The following LRP1B variants were observed in gnomAD, a reference collection of about 807,000 sequenced individuals.
The protein encoded by LRP1B is LDL receptor related protein 1B.
Under a neutral mutation model 556.6 loss-of-function variants are expected in LRP1B, and 217 were observed. The observed-to-expected ratio is 0.39, with a 90% CI of 0.35 to 0.44. The LOEUF (loss-of-function observed/expected upper bound fraction) is 0.44, where lower values mean the gene tolerates loss of function less well. Among genes scored for constraint, LRP1B ranks in the 20% least tolerant of loss-of-function variants. LRP1B has a pLI of 1.00. For missense variants in LRP1B, 5,053 were observed against 5,620.8 expected (o/e 0.90, Z 3.23); for synonymous variants, 2,047 against 1,865.8 (o/e 1.10, Z -2.50).
intron 41 of LRP1B, among the ~76,000 whole-genome samples, chr2:140,627,209 C>A (rs948129790): frequency 6.6e-6 from 1 of 152,036 alleles, no homozygotes; most frequent in Non-Finnish European, 1.5e-5. Context: ...TAATGAGTGT[C>A]GACTTGATTG....
chr2:141,069,349 T>G (rs913403996), intron 7 of LRP1B, among the ~76,000 whole-genome samples: 1 of 152,034 alleles, frequency 6.6e-6, no homozygotes, highest in Non-Finnish European at 1.5e-5. Context: ...ATAGAAAGAT[T>G]TGTACATTTT....
intron 2 of LRP1B, among the ~76,000 whole-genome samples, chr2:141,774,243 A>G (rs937661424): frequency 2.0e-5 from 3 of 152,206 alleles, no homozygotes; most frequent in Non-Finnish European, 4.4e-5. Context: ...GTAATTTACA[A>G]GGACAAAAGG....
intron 18 of LRP1B, among the ~76,000 whole-genome samples, chr2:140,960,622 G>A (rs532152577): frequency 5.9e-5 from 9 of 151,998 alleles, no homozygotes; most frequent in African/African-American, 2.2e-4. Flanking sequence ...TTAAATGCAA[G>A]TGTAAGGCAG....
intron 11 of LRP1B, among the ~76,000 whole-genome samples, chr2:141,020,833 G>A (rs1026323410): frequency 6.6e-6 from 1 of 151,920 alleles, no homozygotes; most frequent in African/African-American, 2.4e-5. Flanking sequence ...AAACTTCAAA[G>A]TGAAGGCAGT....
Position 140,509,457 on chromosome 2 carries a change from T to C in LRP1B, c.8398+471A>G, listed in dbSNP as rs142997546. Among the ~76,000 whole-genome samples, 1,303 of 152,270 alleles carry C rather than the reference T, an allele frequency of 8.6e-3. 16 individuals are homozygous for C. The highest frequency in any genetic ancestry group is 0.028 in the African/African-American group (1,153 of 41,544). Reference sequence around the variant, plus strand: ...CGGCTATATCCATACTATTTTTACATGACCCAAGGGTTAATACCCTATCCA... The same window carrying C: ...CGGCTATATCCATACTATTTTTACACGACCCAAGGGTTAATACCCTATCCA... On this transcript the variant is annotated intron_variant, in intron 52 of 90. Coordinates refer to ENST00000389484, the MANE Select transcript of LRP1B (RefSeq NM_018557.3).
chr2:141,894,234 T>C (rs1307317003), intron 1 of LRP1B, among the ~76,000 whole-genome samples: 3 of 152,168 alleles, frequency 2.0e-5, no homozygotes, highest in South Asian at 2.1e-4. Context: ...GATTTATGCC[T>C]GTATTTGTAT....
At chr2:141,629,292 A>C (rs1003596904) in intron 2 of LRP1B, among the ~76,000 whole-genome samples, 4 of 152,234 alleles carry the variant, frequency 2.6e-5, no homozygotes, top group African/African-American at 2.4e-5. Context: ...AAATCAAAAT[A>C]CACTAAGCTA....
At chr2:141,282,739 A>G (rs1685555818) in intron 3 of LRP1B, among the ~76,000 whole-genome samples, 1 of 152,146 alleles carries the variant, frequency 6.6e-6, no homozygotes, top group South Asian at 2.1e-4. Flanking sequence ...AGCAAATTTC[A>G]TTAATGTTGT....
intron 49 of LRP1B, among the ~76,000 whole-genome samples, chr2:140,522,678 CAA>C (rs70988403): frequency 7.3e-5 from 11 of 151,208 alleles, no homozygotes; most frequent in Admixed American, 4.0e-4. Flanking sequence ...GCTAGATTAA[CAA>C]AAAAAAAAGA....
At chr2:141,641,185 T>C in intron 2 of LRP1B, among the ~76,000 whole-genome samples, 1 of 82,580 alleles carries the variant, frequency 1.2e-5, no homozygotes, top group Admixed American at 1.1e-4. Context: ...GTGCCGGTAG[T>C]ATAGCTGGGT....
intron 47 of LRP1B, among the ~76,000 whole-genome samples, chr2:140,528,944 G>A (rs987018104): frequency 9.2e-5 from 14 of 152,028 alleles, no homozygotes; most frequent in Non-Finnish European, 1.9e-4. Flanking sequence ...GAGGAAGAAA[G>A]ATACTGAAAT....
At chr2:141,447,763 G>C (rs918826296) in intron 3 of LRP1B, among the ~76,000 whole-genome samples, 8 of 152,164 alleles carry the variant, frequency 5.3e-5, no homozygotes, top group Non-Finnish European at 1.2e-4. Context: ...AGCAAAGATT[G>C]CTGCCTGTTC....
chr2:141,823,363 A>G (rs1696816884), intron 1 of LRP1B, among the ~76,000 whole-genome samples: 1 of 152,198 alleles, frequency 6.6e-6, no homozygotes, highest in Admixed American at 6.5e-5. Flanking sequence ...AGGCCAGCAC[A>G]GTGAGGATGA....
At chr2:141,114,395 G>A (rs1191631195) in intron 7 of LRP1B, among the ~76,000 whole-genome samples, 1 of 152,170 alleles carries the variant, frequency 6.6e-6, no homozygotes, top group Non-Finnish European at 1.5e-5. Context: ...GATGAATTCA[G>A]GGATTTTACT....
At chr2:140,461,144 G>A (rs1363282266) in intron 60 of LRP1B, among the ~76,000 whole-genome samples, 2 of 150,846 alleles carry the variant, frequency 1.3e-5, no homozygotes, top group Non-Finnish European at 2.9e-5. Context: ...CTTAACTGTT[G>A]CCTCACAGCT....
intron 2 of LRP1B, among the ~76,000 whole-genome samples, chr2:141,757,804 T>C (rs1250683939): frequency 2.0e-5 from 3 of 152,188 alleles, no homozygotes; most frequent in Non-Finnish European, 4.4e-5. Flanking sequence ...CTCAAAATGC[T>C]GGGATCACTG....
intron 24 of LRP1B, 33 bp downstream of exon 24, chr2:140,886,105 T>A (rs767960221): frequency 5.2e-6 from 7 of 1,339,416 alleles, no homozygotes; most frequent in Non-Finnish European, 2.0e-6. Flanking sequence ...AAAAAAGTAA[T>A]CTAAACATTA....
intron 1 of LRP1B, among the ~76,000 whole-genome samples, chr2:141,977,529 T>C (rs1413200254): frequency 6.6e-6 from 1 of 152,142 alleles, no homozygotes; most frequent in Non-Finnish European, 1.5e-5. Context: ...GCCTCTGCAC[T>C]CCAGCCTGGG....
intron 1 of LRP1B, among the ~76,000 whole-genome samples, chr2:141,945,969 T>TA (rs1447306188): frequency 1.3e-5 from 2 of 151,668 alleles, no homozygotes; most frequent in Non-Finnish European, 2.9e-5. Context: ...TATTTATTTT[T>TA]ATCTAATTAT....
Sources: allele counts gnomAD v4.1 joint callset (sites outside exome capture counted in the v4.1 genomes callset), GRCh38; gene constraint gnomAD v4.1.1; transcripts MANE v1.5; gene names NCBI Gene and HGNC (gene_info 2026-07-23, HGNC 2026-07-21).